MEGF6: variants seen among roughly 807,000 people sequenced by gnomAD.
The protein encoded by MEGF6 is multiple epidermal growth factor-like domains protein 6.
MEGF6 carries 184 observed loss-of-function variants against 207.1 expected under a neutral mutation model. The ratio of observed to expected loss-of-function variants is 0.89; its 90% CI spans 0.79 to 1.00. MEGF6 has a LOEUF of 1.00. MEGF6 is among the 50% of genes least tolerant of loss of function. The pLI is 0.00. For synonymous variants in MEGF6, 1,038 were observed against 910.0 expected (o/e 1.14, Z -2.53); for missense variants, 2,282 against 2,202.9 (o/e 1.04, Z -0.72).
intron 4 of MEGF6, among the ~76,000 whole-genome samples, chr1:3,575,504 C>T (rs1043525454): frequency 6.6e-6 from 1 of 152,174 alleles, no homozygotes; most frequent in African/African-American, 2.4e-5. Flanking sequence ...GGGTATTAGT[C>T]CGTTTTCCAA....
intron 6 of MEGF6, 61 bp downstream of exon 6, chr1:3,515,341 G>A: frequency 3.9e-6 from 6 of 1,550,910 alleles, no homozygotes; most frequent in Non-Finnish European, 4.4e-6. Context: ...CAACAGCCCA[G>A]GCGAGGCAGC....
At position 3,490,511 on chromosome 1, in the gene MEGF6, C is replaced by T; in HGVS notation, c.*17G>A. The T allele has an allele frequency of 1.9e-6, 3 of 1,612,210 alleles. No homozygotes were observed. The highest frequency in any genetic ancestry group is 2.5e-6 in the Non-Finnish European group (3 of 1,179,648). On this transcript the variant is annotated 3_prime_UTR_variant, in exon 37 of 37. Transcript: ENST00000356575. ...CTGGCTGGGACTGGAGAGGCGGGCT[C>T]CACGGGACTGCCTCTACTAGTGCCT...
intron 5 of MEGF6, among the ~76,000 whole-genome samples, chr1:3,517,989 C>T (rs1308261212): frequency 5.9e-5 from 9 of 152,248 alleles, no homozygotes; most frequent in South Asian, 2.1e-4. Flanking sequence ...CAATCCGGCC[C>T]GACATTTCTG....
chr1:3,501,237 C>G lies in MEGF6; in HGVS notation c.2386G>C (p.Asp796His). 6.2e-7 allele frequency: 1 copy of G among 1,611,380 alleles called. No individual in the cohort carries two copies. The highest frequency in any genetic ancestry group is 1.7e-5 in the Admixed American group (1 of 59,876). Residue 796 changes from aspartate (D) to histidine (H), a missense_variant, in exon 19 of 37, where the codon GAC becomes CAC. By Grantham distance (81) the Asp-to-His change is moderately conservative. Coordinates refer to ENST00000356575, the MANE Select transcript of MEGF6 (RefSeq NM_001409.4). ...CACAGGCAGGCTCCGGTCTCAGGGTCGCAGCGGGCAGCGTGCTGGCATGCT... is the reference window on the plus strand; with the variant it reads ...CACAGGCAGGCTCCGGTCTCAGGGTGGCAGCGGGCAGCGTGCTGGCATGCT... Reference protein sequence around the residue: ...CPACQHAARCDPETGACLCLP... With the variant: ...CPACQHAARCHPETGACLCLP...
chr1:3,583,394 G>A (rs71503059), intron 3 of MEGF6, among the ~76,000 whole-genome samples: 2 of 23,286 alleles, frequency 8.6e-5, no homozygotes, highest in African/African-American at 2.3e-4. Flanking sequence ...ACCAGACAAC[G>A]CGCAGCCACC....
intron 4 of MEGF6, among the ~76,000 whole-genome samples, chr1:3,550,404 G>A (rs765157096): frequency 9.2e-5 from 14 of 152,222 alleles, no homozygotes; most frequent in Non-Finnish European, 1.6e-4. Context: ...GTACCAGCTG[G>A]CGGGTCTGGG....
At chr1:3,600,958 G>A (rs1392655445) in intron 2 of MEGF6, among the ~76,000 whole-genome samples, 4 of 152,270 alleles carry the variant, frequency 2.6e-5, no homozygotes, top group Non-Finnish European at 4.4e-5. Flanking sequence ...GCCACCTTTC[G>A]GGAGGGAGGG....
chr1:3,493,623 C>A (rs1419489021), intron 34 of MEGF6, 148 bp downstream of exon 34: 4 of 1,142,060 alleles, frequency 3.5e-6, no homozygotes, highest in East Asian at 5.2e-5. Context: ...TGACTCCAGC[C>A]CCCCCAGGGG....
Position 3,499,247 on chromosome 1 carries a change from G to A in MEGF6, c.2985C>T (p.Tyr995=), listed in dbSNP as rs377316696. 67 of 1,605,730 alleles carry A rather than the reference G, an allele frequency of 4.2e-5. No homozygotes were observed. Among genetic ancestry groups the A allele is most frequent in the East Asian group, 2.2e-4 (10 of 44,644 alleles). ...CACAGGCCTGGCTGCAATTGTGCCC[G>A]TAGGTGTGGGCTGGGCAGGCTGCAG... ...RCAETCPAHT[Y]GHNCSQACAC... is the part of the protein sequence containing the mutation. Residue 995 remains tyrosine, a synonymous_variant, in exon 24 of 37, where the codon TAC becomes TAT. Coordinates refer to ENST00000356575, the MANE Select transcript of MEGF6 (RefSeq NM_001409.4).
chr1:3,535,964 C>A (rs946486149), intron 4 of MEGF6, among the ~76,000 whole-genome samples: 1 of 152,214 alleles, frequency 6.6e-6, no homozygotes, highest in African/African-American at 2.4e-5. Context: ...GGCAGACTGT[C>A]GGGCAGGGCT....
chr1:3,602,075 C>A (rs2821013), intron 2 of MEGF6, among the ~76,000 whole-genome samples: 151,894 of 152,348 alleles, frequency 1, 75,723 homozygotes, highest in Middle Eastern at 1. Flanking sequence ...TAAAATCTTG[C>A]GCAGTAAAAA....
At chr1:3,541,807 C>T (rs1642532533) in intron 4 of MEGF6, among the ~76,000 whole-genome samples, 1 of 152,060 alleles carries the variant, frequency 6.6e-6, no homozygotes, top group African/African-American at 2.4e-5. Flanking sequence ...GACTCCCGGG[C>T]ACAGGGGCTC....
At chr1:3,578,786 G>A (rs1442641783) in intron 4 of MEGF6, among the ~76,000 whole-genome samples, 2 of 151,660 alleles carry the variant, frequency 1.3e-5, no homozygotes, top group African/African-American at 4.9e-5. Flanking sequence ...CACCTCTGCA[G>A]AACCCCTCCT....
chr1:3,488,233 T>C lies in MEGF6; in HGVS notation c.*2295A>G, dbSNP rs2100781321. On this transcript the variant is annotated 3_prime_UTR_variant, in exon 37 of 37. Coordinates refer to ENST00000356575, the MANE Select transcript of MEGF6 (RefSeq NM_001409.4). ...GTGTTTTCTAGTTATTCTGCTTTAT[T>C]TTCCTCTGCTCCTGACCGCCGTTGG... Among the ~76,000 whole-genome samples, 1 of 152,328 alleles carries C rather than the reference T, an allele frequency of 6.6e-6. No individual in the cohort carries two copies. The highest frequency in any genetic ancestry group is 2.1e-4 in the South Asian group (1 of 4,830).
chr1:3,496,898 G>C, intron 28 of MEGF6, 90 bp downstream of exon 28: 1 of 1,525,604 alleles, frequency 6.6e-7, no homozygotes, highest in Non-Finnish European at 8.8e-7. Context: ...CACCCCCTCA[G>C]ATGAGGGCCT....
intron 3 of MEGF6, among the ~76,000 whole-genome samples, chr1:3,593,531 C>T (rs915064906): frequency 2.0e-5 from 3 of 151,018 alleles, no homozygotes; most frequent in African/African-American, 7.3e-5. Flanking sequence ...ACAAAAAGCC[C>T]GCTCTCCCCC....
chr1:3,526,924 C>CA (rs1641987483), intron 4 of MEGF6, among the ~76,000 whole-genome samples: 1 of 152,194 alleles, frequency 6.6e-6, no homozygotes, highest in Non-Finnish European at 1.5e-5. Context: ...ACATTTAGCT[C>CA]AAAATGCCAC....
intron 2 of MEGF6, among the ~76,000 whole-genome samples, chr1:3,596,407 C>T (rs1221912420): frequency 6.6e-6 from 1 of 151,958 alleles, no homozygotes; most frequent in Admixed American, 6.6e-5. Flanking sequence ...CAGCACCGTG[C>T]AGTCCACAAA....
intron 26 of MEGF6, 103 bp downstream of exon 26, chr1:3,498,268 G>A: frequency 1.4e-6 from 2 of 1,393,642 alleles, no homozygotes; most frequent in South Asian, 2.9e-5. Flanking sequence ...CAGGTCCCCT[G>A]GTGAGGCCCC....
Sources: gnomAD v4.1 joint callset for allele counts (sites outside exome capture counted in the v4.1 genomes callset) on GRCh38, gnomAD v4.1.1 for gene constraint, MANE v1.5 for transcripts, NCBI Gene and HGNC (gene_info 2026-07-23, HGNC 2026-07-21) for gene names.